The following MYH13 variants were observed in gnomAD, a reference collection of about 807,000 sequenced individuals.
The protein encoded by MYH13 is myosin heavy chain 13.
A neutral mutation model predicts 232.1 loss-of-function variants in MYH13; 177 were observed. The ratio of observed to expected loss-of-function variants is 0.76; its 90% CI spans 0.67 to 0.86. The LOEUF is 0.86. Ranked by LOEUF, MYH13 falls within the 40% of genes least tolerant of loss-of-function variation. MYH13 has a pLI of 0.00. For missense variants in MYH13, 2,246 were observed against 2,405.9 expected, an observed-to-expected ratio of 0.93 and a Z score of 1.39; for synonymous variants, 884 against 923.5, an observed-to-expected ratio of 0.96 and a Z score of 0.78.
intron 2 of MYH13, among the ~76,000 whole-genome samples, chr17:10,368,025 T>C (rs762919309): frequency 2.6e-5 from 4 of 152,228 alleles, no homozygotes; most frequent in Non-Finnish European, 5.9e-5. Context: ...TGTCTTGCAT[T>C]TTGAGTGGAT....
chr17:10,338,830 A>G (rs1389552721), intron 18 of MYH13, among the ~76,000 whole-genome samples: 1 of 151,834 alleles, frequency 6.6e-6, no homozygotes, highest in Non-Finnish European at 1.5e-5. Context: ...CCTCCCGAAT[A>G]GCTGGGACTA....
Position 10,335,246 on chromosome 17 carries a change from C to A in MYH13, c.2057-2055G>T, listed in dbSNP as rs1004170406. Among the ~76,000 whole-genome samples, 4 of 152,254 alleles carry A rather than the reference C, an allele frequency of 2.6e-5. No homozygotes were observed. In the South Asian group the frequency reaches 8.3e-4, roughly 32 times the overall value. ...TTATTTAAAATATTGTATAAAATTACCTTAGGGCTATGTGTATAAGACCCA... is the reference window on the plus strand; with the variant it reads ...TTATTTAAAATATTGTATAAAATTAACTTAGGGCTATGTGTATAAGACCCA... On this transcript the variant is annotated intron_variant, in intron 18 of 40. Transcript: ENST00000252172.
In MYH13 at chr17:10,328,067, G is replaced by A. The variant is rs368637660; in HGVS notation, c.2490C>T (p.His830=). The A allele has an allele frequency of 2.1e-5, 34 of 1,614,050 alleles. No homozygotes were observed. Among genetic ancestry groups the A allele is most frequent in the African/African-American group, 8.0e-5 (6 of 74,926 alleles). ...TGAAGAACAGGTTCATCCAGGGCCA[G>A]TGCTTGACGTTCATAAAAGAGCGGA... is the stretch of plus-strand genomic sequence containing the variant. ...YNIRSFMNVK[H]WPWMNLFFKI... The change falls in exon 22 of 41, where the codon CAC becomes CAT. Residue 830 remains histidine (H), a synonymous_variant. Coordinates refer to ENST00000252172, the MANE Select transcript of MYH13 (RefSeq NM_003802.3).
chr17:10,357,462 A>G (rs1411628374), intron 8 of MYH13, among the ~76,000 whole-genome samples: 2 of 152,162 alleles, frequency 1.3e-5, no homozygotes, highest in Non-Finnish European at 2.9e-5. Context: ...TTGATCTCTA[A>G]TTGTGGGATT....
Position 10,328,120 on chromosome 17 carries a change from C to G in MYH13, c.2437G>C (p.Asp813His). The change falls in exon 22 of 41, where the codon GAC becomes CAC. Residue 813 changes from aspartate (D) to histidine (H), a missense_variant and splice_region_variant. By Grantham distance (81) the Asp-to-His change is moderately conservative (BLOSUM62 -1). Transcript: ENST00000252172. The part of the protein sequence containing the change: ...VEFKKMMERR[D>H]SIFCIQYNIR... Reference sequence around the variant, plus strand: ...TTGTACTGGATGCAGAAGATGGAGTCCCTGTACACCCATTAGGACTCAAAT... The same window carrying G: ...TTGTACTGGATGCAGAAGATGGAGTGCCTGTACACCCATTAGGACTCAAAT... 6.2e-7 allele frequency: 1 copy of G among 1,613,292 alleles called. No individual in the cohort carries two copies. The highest frequency in any genetic ancestry group is 8.5e-7 in the Non-Finnish European group (1 of 1,179,794).
rs760158456 is a variant in MYH13, at chr17:10,309,230, G to A, written c.5169+4C>T. The stretch of plus-strand genomic sequence containing the variant: ...CTTCAGCGGAGGAGTGAGGGCCGAC[G>A]CACCTGGGAGTGCAGGAGCTGCACG... On this transcript the variant is annotated splice_donor_region_variant and intron_variant, in intron 35 of 40. Transcript: ENST00000252172. The A allele has an allele frequency of 1.7e-5, 28 of 1,612,216 alleles. No homozygotes were observed. The South Asian group carries it at 2.1e-4, about 12-fold the overall frequency.
chr17:10,334,957 T>C (rs2071562080), intron 18 of MYH13, among the ~76,000 whole-genome samples: 1 of 151,932 alleles, frequency 6.6e-6, no homozygotes, highest in Non-Finnish European at 1.5e-5. Context: ...TTAGCAATGG[T>C]CTAATTCGAC....
At chr17:10,322,740 T>A (rs1375048862) in intron 23 of MYH13, among the ~76,000 whole-genome samples, 2 of 149,206 alleles carry the variant, frequency 1.3e-5, no homozygotes, top group Non-Finnish European at 3.0e-5. Context: ...TTCACGCCAT[T>A]CTCCGGCCTC....
intron 2 of MYH13, among the ~76,000 whole-genome samples, chr17:10,368,188 T>G (rs762331500): frequency 4.6e-5 from 7 of 152,216 alleles, no homozygotes; most frequent in Non-Finnish European, 1.0e-4. Context: ...CATTTGAAAA[T>G]TCTTTCAGTA....
chr17:10,312,520 C>A, intron 31 of MYH13, 54 bp downstream of exon 31: 1 of 1,539,172 alleles, frequency 6.5e-7, no homozygotes, highest in South Asian at 1.2e-5. Context: ...TAGCATTTCC[C>A]CAACTTGAAT....
intron 2 of MYH13, among the ~76,000 whole-genome samples, chr17:10,370,396 C>T (rs2071868989): frequency 6.6e-6 from 1 of 152,226 alleles, no homozygotes; most frequent in Non-Finnish European, 1.5e-5. Flanking sequence ...TCATGCTGCC[C>T]ACTGAGCACC....
chr17:10,330,608 T>A, intron 20 of MYH13, 85 bp from the exon 21 acceptor site: 1 of 1,507,920 alleles, frequency 6.6e-7, no homozygotes, highest in Non-Finnish European at 8.9e-7. Context: ...TCTGCTCAAC[T>A]CTGAGGCTCA....
Position 10,343,999 on chromosome 17 carries a change from G to C in MYH13, c.1695C>G (p.Phe565Leu), listed in dbSNP as rs1235645391. 1 of 1,614,230 alleles carries C rather than the reference G, an allele frequency of 6.2e-7. No homozygotes were observed. The highest frequency in any genetic ancestry group is 1.7e-5 in the Admixed American group (1 of 60,032). Reference protein sequence around the residue: ...YDQHLGKSNNFQKPKPAKGKA... With the variant: ...YDQHLGKSNNLQKPKPAKGKA... ...TGCCTTTGGCAGGCTTGGGCTTCTG[G>C]AAGTTGTTGGATTTTCCAAGATGCT... Residue 565 changes from phenylalanine (F) to leucine (L), a missense_variant, in exon 16 of 41, where the codon TTC becomes TTG. Coordinates refer to ENST00000252172, the MANE Select transcript of MYH13 (RefSeq NM_003802.3).
intron 11 of MYH13, among the ~76,000 whole-genome samples, chr17:10,352,595 A>AC (rs1392341069): frequency 6.6e-6 from 1 of 151,870 alleles, no homozygotes; most frequent in Non-Finnish European, 1.5e-5. Flanking sequence ...CTCAAAAAAA[A>AC]CAAAAAACAA....
chr17:10,353,198 C>T (rs1411268316), intron 11 of MYH13, among the ~76,000 whole-genome samples: 2 of 152,212 alleles, frequency 1.3e-5, no homozygotes, highest in African/African-American at 4.8e-5. Flanking sequence ...CTGGGTGGAG[C>T]TCTCTGAGCC....
chr17:10,343,404 G>A (rs1340057987), intron 16 of MYH13, among the ~76,000 whole-genome samples: 1 of 152,070 alleles, frequency 6.6e-6, no homozygotes. Context: ...CACCATGTTG[G>A]CCAGGCTGGT....
At position 10,315,941 on chromosome 17, in the gene MYH13, G is replaced by A. The variant is rs756650312; in HGVS notation, c.3823C>T (p.His1275Tyr). ...AKDEQQTQLI[H>Y]DLNMQKARLQ... ...CTTGCTTTCTGCATGTTCAGATCAT[G>A]GATCAACTGTGTCTGTTGCTCGTCC... Residue 1275 changes from histidine to tyrosine, a missense_variant, in exon 28 of 41, where the codon CAT becomes TAT. Physicochemically the swap from His to Tyr is moderately conservative, Grantham distance 83. Coordinates refer to ENST00000252172, the MANE Select transcript of MYH13 (RefSeq NM_003802.3). 6 of 1,613,918 alleles carry A rather than the reference G, an allele frequency of 3.7e-6. No individual in the cohort carries two copies. The South Asian group carries it at 4.4e-5, about 12-fold the overall frequency.
chr17:10,350,851 T>C (rs760543910), intron 11 of MYH13, 157 bp from the exon 12 acceptor site: 2 of 933,592 alleles, frequency 2.1e-6, no homozygotes, highest in South Asian at 2.7e-5. Flanking sequence ...TTAGAAACCA[T>C]TTGTTTCACG....
Position 10,354,998 on chromosome 17 carries a change from G to A in MYH13, c.803-5C>T, listed in dbSNP as rs777166043. On this transcript the variant is annotated splice_region_variant and splice_polypyrimidine_tract_variant and intron_variant, in intron 9 of 40. Coordinates refer to ENST00000252172, the MANE Select transcript of MYH13 (RefSeq NM_003802.3). ...CTCTGGATTTTTCTAACAGATCTAA[G>A]GTAACAAAAATAACGTGATTTCAGG... The A allele has an allele frequency of 6.2e-7, 1 of 1,609,180 alleles. No individual in the cohort carries two copies. Among genetic ancestry groups the A allele is most frequent in the Non-Finnish European group, 8.5e-7 (1 of 1,175,674 alleles).
Sources: allele counts gnomAD v4.1 joint callset (sites outside exome capture counted in the v4.1 genomes callset), GRCh38; gene constraint gnomAD v4.1.1; transcripts MANE v1.5; gene names NCBI Gene and HGNC (gene_info 2026-07-23, HGNC 2026-07-21).